Variants in ADAMTS18 observed in about 807,000 individuals in gnomAD.
ADAMTS18 encodes A disintegrin and metalloproteinase with thrombospondin motifs 18.
A neutral mutation model predicts 165.9 loss-of-function variants in ADAMTS18; 157 were observed. The observed-to-expected ratio is 0.95, with a 90% confidence interval of 0.83 to 1.08. The LOEUF (loss-of-function observed/expected upper bound fraction) is 1.08, where lower values mean the gene tolerates loss of function less well. ADAMTS18 is among the 50% of genes least tolerant of loss of function. ADAMTS18 has a pLI of 0.00. For synonymous variants in ADAMTS18, 782 were observed against 578.2 expected, an observed-to-expected ratio of 1.35 and a Z score of -5.06; for missense variants, 2,040 against 1,534.0, an observed-to-expected ratio of 1.33 and a Z score of -5.51.
rs373807615 is a variant in ADAMTS18, at chr16:77,291,387, C to T, written c.3281G>A (p.Arg1094Gln). The T allele has an allele frequency of 1.2e-5, 20 of 1,614,026 alleles. 1 individual carries two copies. The highest frequency in any genetic ancestry group is 6.6e-5 in the South Asian group (6 of 91,084). The change falls in exon 21 of 23, where the codon CGA becomes CAA. Residue 1094 changes from arginine to glutamine, a missense_variant. Physicochemically the swap from Arg to Gln is conservative, Grantham distance 43. Coordinates refer to ENST00000282849, the MANE Select transcript of ADAMTS18 (RefSeq NM_199355.4). The stretch of plus-strand genomic sequence containing the variant: ...TGGTTTCTTAATATTACGGCATCTT[C>T]GCTCTGGGAAAGTTATCAGCTTTCC... ...FQGKLITFPE[R>Q]RCRNIKKPNL...
intron 3 of ADAMTS18, among the ~76,000 whole-genome samples, chr16:77,406,880 G>C (rs2057399827): frequency 6.6e-6 from 1 of 152,066 alleles, no homozygotes; most frequent in Non-Finnish European, 1.5e-5. Flanking sequence ...ACAAGGGGGA[G>C]CTAAACATTG....
intron 3 of ADAMTS18, among the ~76,000 whole-genome samples, chr16:77,420,320 G>T (rs1045792483): frequency 6.6e-6 from 1 of 152,104 alleles, no homozygotes; most frequent in Non-Finnish European, 1.5e-5. Context: ...TGTCTAAGAT[G>T]ATTGCATCTC....
At chr16:77,306,152 G>A (rs758033232) in intron 16 of ADAMTS18, among the ~76,000 whole-genome samples, 1 of 152,202 alleles carries the variant, frequency 6.6e-6, no homozygotes, top group Non-Finnish European at 1.5e-5. Context: ...ACTTAGTCCA[G>A]AGAATTTTCC....
chr16:77,368,579 G>A (rs996270191), intron 3 of ADAMTS18, among the ~76,000 whole-genome samples: 4 of 151,786 alleles, frequency 2.6e-5, no homozygotes, highest in Admixed American at 6.6e-5. Context: ...TGGGACTACA[G>A]GTACACACCA....
chr16:77,384,867 ATATT>A (rs1337568013), intron 3 of ADAMTS18, among the ~76,000 whole-genome samples: 5 of 151,750 alleles, frequency 3.3e-5, no homozygotes, highest in African/African-American at 9.7e-5. Context: ...AGTTATCAAA[ATATT>A]TAAATCTAAC....
At chr16:77,377,801 G>A (rs897517197) in intron 3 of ADAMTS18, among the ~76,000 whole-genome samples, 9 of 152,160 alleles carry the variant, frequency 5.9e-5, no homozygotes, top group Non-Finnish European at 7.3e-5. Flanking sequence ...ACACTAAAGA[G>A]TAAGTCATTG....
rs141096716 is a variant in ADAMTS18 at position 77,317,554 on chromosome 16, G to A, written c.2532+2295C>T. ...CCGCCACGTTGGCCCAGCTGGTCTC[G>A]AACTCCTGGCCTCAAGTGATCCACC... On this transcript the variant is annotated intron_variant, in intron 16 of 22. Transcript: ENST00000282849. Among the ~76,000 whole-genome samples the A allele has an allele frequency of 5.2e-3, 791 of 152,232 alleles. 8 individuals carry two copies. The highest frequency in any genetic ancestry group is 0.018 in the African/African-American group (757 of 41,534).
chr16:77,296,747 T>G (rs79984854), intron 18 of ADAMTS18, among the ~76,000 whole-genome samples: 3 of 151,968 alleles, frequency 2.0e-5, no homozygotes, highest in African/African-American at 7.3e-5. Flanking sequence ...TTGAATCCAG[T>G]AGGCAGAGGT....
chr16:77,289,554 A>G, intron 21 of ADAMTS18, 143 bp from the exon 22 acceptor site: 1 of 894,492 alleles, frequency 1.1e-6, no homozygotes, highest in South Asian at 1.5e-5. Context: ...ATGTGCTTAC[A>G]GTCCACAGCA....
chr16:77,294,542 C>G (rs1016308489), intron 19 of ADAMTS18, among the ~76,000 whole-genome samples: 1 of 152,194 alleles, frequency 6.6e-6, no homozygotes, highest in Non-Finnish European at 1.5e-5. Context: ...TCTAACTTTA[C>G]CTCTTTCCCA....
In ADAMTS18 at chr16:77,283,947, A is replaced by C; in HGVS notation, c.*9T>G. The C allele has an allele frequency of 6.2e-7, 1 of 1,608,866 alleles. No individual in the cohort carries two copies. The highest frequency in any genetic ancestry group is 8.5e-7 in the Non-Finnish European group (1 of 1,175,456). ...CCCTGGCCCTAAGGTGCTGGGGAGG[A>C]CACCAAGATCAGATCTTCCTTGTGC... On this transcript the variant is annotated 3_prime_UTR_variant, in exon 23 of 23. Transcript: ENST00000282849.
intron 3 of ADAMTS18, among the ~76,000 whole-genome samples, chr16:77,419,196 G>C (rs896216702): frequency 2.0e-5 from 3 of 152,164 alleles, no homozygotes; most frequent in Middle Eastern, 3.2e-3. Flanking sequence ...TAAGTCTGAA[G>C]TGTGGGTACA....
chr16:77,312,982 G>A (rs1449078050), intron 16 of ADAMTS18, among the ~76,000 whole-genome samples: 2 of 152,054 alleles, frequency 1.3e-5, no homozygotes, highest in African/African-American at 2.4e-5. Flanking sequence ...CTGCTATAAA[G>A]ACACACACAC....
At chr16:77,313,349 C>T (rs541250177) in intron 16 of ADAMTS18, among the ~76,000 whole-genome samples, 59 of 151,964 alleles carry the variant, frequency 3.9e-4, no homozygotes, top group Admixed American at 3.5e-3. Flanking sequence ...ACGTAAATGA[C>T]GAGTTAATGG....
chr16:77,386,708 G>A (rs2057112877), intron 3 of ADAMTS18, among the ~76,000 whole-genome samples: 1 of 152,056 alleles, frequency 6.6e-6, no homozygotes, highest in Non-Finnish European at 1.5e-5. Context: ...GCTAGCTAGG[G>A]CGTTTCTTTT....
intron 16 of ADAMTS18, among the ~76,000 whole-genome samples, chr16:77,318,436 A>G (rs2055926516): frequency 6.6e-6 from 1 of 152,206 alleles, no homozygotes; most frequent in Non-Finnish European, 1.5e-5. Context: ...TACCACTTAC[A>G]TGTAACACAG....
At position 77,289,388 on chromosome 16, in the gene ADAMTS18, C is replaced by T. The variant is rs776436396; in HGVS notation, c.3426G>A (p.Gly1142=). ...CACAGTGGACTGACCGGGTCTGGAC[C>T]CCTCCCCCACAGGTGACTGTGCACT... ...WQQCTVTCGG[G]VQTRSVHCVQ... The change falls in exon 22 of 23, where the codon GGG becomes GGA. Residue 1142 remains glycine, a synonymous_variant. Transcript: ENST00000282849. 27 of 1,613,862 alleles carry T rather than the reference C, an allele frequency of 1.7e-5. No homozygotes were observed. The highest frequency in any genetic ancestry group is 2.1e-5 in the Non-Finnish European group (25 of 1,179,990).
intron 19 of ADAMTS18, among the ~76,000 whole-genome samples, chr16:77,294,295 T>G (rs1383734418): frequency 6.6e-6 from 1 of 152,160 alleles, no homozygotes; most frequent in Non-Finnish European, 1.5e-5. Flanking sequence ...GCCTGGGCTG[T>G]GTAGGACATT....
chr16:77,393,671 G>T (rs369766280), intron 3 of ADAMTS18, among the ~76,000 whole-genome samples: 22 of 152,276 alleles, frequency 1.4e-4, no homozygotes, highest in African/African-American at 1.7e-4. Flanking sequence ...TCCAGAACTG[G>T]ACCATGCTAG....
Sources: allele counts gnomAD v4.1 joint callset (sites outside exome capture counted in the v4.1 genomes callset), GRCh38; gene constraint gnomAD v4.1.1; transcripts MANE v1.5; gene names NCBI Gene and HGNC (gene_info 2026-07-23, HGNC 2026-07-21).